The following PARD3B variants were observed in gnomAD, a reference collection of about 807,000 sequenced individuals.
PARD3B encodes par-3 family cell polarity regulator beta.
Under a neutral mutation model 130.2 loss-of-function variants are expected in PARD3B, and 103 were observed. The ratio of observed to expected loss-of-function variants is 0.79; its 90% CI spans 0.67 to 0.93. The LOEUF is 0.93. Ranked by LOEUF, PARD3B falls within the 40% of genes least tolerant of loss-of-function variation. The pLI, the probability that PARD3B is intolerant of heterozygous loss-of-function variation, is 0.00. For synonymous variants in PARD3B, 583 were observed against 553.2 expected, an observed-to-expected ratio of 1.05 and a Z score of -0.76; for missense variants, 1,609 against 1,499.2, an observed-to-expected ratio of 1.07 and a Z score of -1.21.
intron 15 of PARD3B, among the ~76,000 whole-genome samples, chr2:205,223,651 T>C (rs559568828): frequency 1.4e-4 from 22 of 152,018 alleles, no homozygotes; most frequent in Non-Finnish European, 2.9e-4. Context: ...ACCAACCAAA[T>C]AAAACTTGCC....
intron 1 of PARD3B, among the ~76,000 whole-genome samples, chr2:204,618,214 G>A (rs1014899375): frequency 3.3e-5 from 5 of 152,030 alleles, no homozygotes; most frequent in East Asian, 1.9e-4. Context: ...ATTTTCACCC[G>A]GGATCACAAA....
intron 22 of PARD3B, among the ~76,000 whole-genome samples, chr2:205,580,806 C>A (rs2053935505): frequency 6.6e-6 from 1 of 152,030 alleles, no homozygotes; most frequent in Non-Finnish European, 1.5e-5. Context: ...CATGAGAAGG[C>A]ACGAGACACT....
At chr2:204,694,725 TTGA>T (rs1393748840) in intron 2 of PARD3B, among the ~76,000 whole-genome samples, 21 of 152,092 alleles carry the variant, frequency 1.4e-4, no homozygotes, top group African/African-American at 4.3e-4. Context: ...TACAGTAATC[TTGA>T]TGATGGCCAT....
chr2:205,150,252 T>TGTGTGTGTGTGTGTGCGCGC (rs375301293), intron 10 of PARD3B, among the ~76,000 whole-genome samples: 4 of 145,884 alleles, frequency 2.7e-5, no homozygotes, highest in African/African-American at 1.0e-4. Context: ...TGTGTGTGTG[T>TGTGTGTGTGTGTGTGCGCGC]GCACACACGC....
intron 16 of PARD3B, among the ~76,000 whole-genome samples, chr2:205,256,025 T>A (rs889836033): frequency 6.6e-6 from 1 of 152,152 alleles, no homozygotes; most frequent in African/African-American, 2.4e-5. Context: ...CCTGAGGCTA[T>A]TCAAGAGCTC....
intron 1 of PARD3B, among the ~76,000 whole-genome samples, chr2:204,659,929 T>G (rs958185139): frequency 2.6e-5 from 4 of 152,296 alleles, no homozygotes; most frequent in Admixed American, 1.3e-4. Flanking sequence ...CTATTTACAG[T>G]AATTCTAGCA....
chr2:205,454,610 T>A (rs1233569339), intron 20 of PARD3B, among the ~76,000 whole-genome samples: 1 of 152,106 alleles, frequency 6.6e-6, no homozygotes, highest in Non-Finnish European at 1.5e-5. Flanking sequence ...TTACTCAGCC[T>A]CTCACTCTCC....
chr2:204,851,404 A>G (rs2044701782), intron 2 of PARD3B, among the ~76,000 whole-genome samples: 1 of 152,234 alleles, frequency 6.6e-6, no homozygotes, highest in Non-Finnish European at 1.5e-5. Flanking sequence ...GCAGAAGAAT[A>G]TTAGAATGAG....
intron 1 of PARD3B, among the ~76,000 whole-genome samples, chr2:204,591,746 T>C (rs1216144794): frequency 6.6e-6 from 1 of 152,098 alleles, no homozygotes; most frequent in Non-Finnish European, 1.5e-5. Context: ...TGCGTTGGAG[T>C]AGTAATATCT....
intron 18 of PARD3B, among the ~76,000 whole-genome samples, chr2:205,326,016 C>A (rs2042928081): frequency 6.6e-6 from 1 of 152,042 alleles, no homozygotes; most frequent in Non-Finnish European, 1.5e-5. Flanking sequence ...GTGAAAACTG[C>A]CTAATTTGTT....
chr2:205,353,341 C>T (rs1488713641), intron 18 of PARD3B, among the ~76,000 whole-genome samples: 1 of 152,144 alleles, frequency 6.6e-6, no homozygotes, highest in Non-Finnish European at 1.5e-5. Context: ...TAGTACCGCT[C>T]CATGGAACAA....
chr2:204,634,843 G>A (rs7587284), intron 1 of PARD3B, among the ~76,000 whole-genome samples: 104,102 of 152,020 alleles, frequency 0.68, 36,839 homozygotes, highest in Middle Eastern at 0.8. Flanking sequence ...GGGCTCACAA[G>A]ATAGTCATAT....
chr2:205,510,791 A>G lies in PARD3B; in HGVS notation c.3180+10760A>G, dbSNP rs147314867. ...TATATACAAATTATTTACTCAATAA[A>G]TTATACTACAACCAGATCGTTAATA... On this transcript the variant is annotated intron_variant, in intron 21 of 22. Transcript: ENST00000406610. 8.6e-4 allele frequency among the ~76,000 whole-genome samples: 131 copies of G among 152,346 alleles called. 5 individuals carry two copies. In the East Asian group the frequency reaches 0.024, roughly 28 times the overall value.
intron 21 of PARD3B, among the ~76,000 whole-genome samples, chr2:205,533,046 T>C (rs916565921): frequency 5.3e-5 from 8 of 152,098 alleles, no homozygotes; most frequent in African/African-American, 1.7e-4. Flanking sequence ...ACCATCCAAA[T>C]TAGAGGGAGA....
intron 16 of PARD3B, among the ~76,000 whole-genome samples, chr2:205,271,415 T>C (rs1414221853): frequency 6.6e-6 from 1 of 152,250 alleles, no homozygotes; most frequent in Non-Finnish European, 1.5e-5. Context: ...GTCACTGCTA[T>C]GTGATCATGA....
chr2:204,546,378 C>T (rs1327678454), intron 1 of PARD3B, among the ~76,000 whole-genome samples: 1 of 152,140 alleles, frequency 6.6e-6, no homozygotes, highest in Non-Finnish European at 1.5e-5. Flanking sequence ...ATGGGCAGTT[C>T]TCCAAACCCA....
chr2:205,163,761 C>T (rs1031200445), intron 11 of PARD3B, among the ~76,000 whole-genome samples: 4 of 152,132 alleles, frequency 2.6e-5, no homozygotes, highest in Admixed American at 1.3e-4. Flanking sequence ...CCATCTCTGC[C>T]GGTATCTATA....
intron 2 of PARD3B, among the ~76,000 whole-genome samples, chr2:204,719,187 G>A (rs558680312): frequency 3.5e-4 from 53 of 152,206 alleles, no homozygotes; most frequent in African/African-American, 1.2e-3. Context: ...AAAACTTTTC[G>A]AAAGCACATC....
intron 18 of PARD3B, among the ~76,000 whole-genome samples, chr2:205,308,781 G>C (rs1394903516): frequency 1.3e-5 from 2 of 152,110 alleles, no homozygotes; most frequent in African/African-American, 4.8e-5. Flanking sequence ...CAATTTACAT[G>C]GTGTCAAGCA....
Sources: gnomAD v4.1 joint callset for allele counts (sites outside exome capture counted in the v4.1 genomes callset) on GRCh38, gnomAD v4.1.1 for gene constraint, MANE v1.5 for transcripts, NCBI Gene and HGNC (gene_info 2026-07-23, HGNC 2026-07-21) for gene names.